The following TBCK variants were observed in gnomAD, a reference collection of about 807,000 sequenced individuals.
TBCK encodes TBC domain-containing protein kinase-like protein.
A neutral mutation model predicts 113.4 loss-of-function variants in TBCK; 99 were observed. That is an observed-to-expected ratio of 0.87 (90% CI 0.74 to 1.03). The LOEUF (loss-of-function observed/expected upper bound fraction) is 1.03, where lower values mean the gene tolerates loss of function less well. Ranked by LOEUF, TBCK falls within the 50% of genes least tolerant of loss-of-function variation. The pLI, the probability that TBCK is intolerant of heterozygous loss-of-function variation, is 0.00. For synonymous variants in TBCK, 369 were observed against 370.8 expected (o/e 1.00, Z 0.05); for missense variants, 1,045 against 1,061.3 (o/e 0.98, Z 0.21).
At chr4:106,313,012 G>A (rs1768359414) in intron 1 of TBCK, among the ~76,000 whole-genome samples, 1 of 152,118 alleles carries the variant, frequency 6.6e-6, no homozygotes, top group South Asian at 2.1e-4. Context: ...GTGGTTTTAT[G>A]GATGAGTACA....
intron 3 of TBCK, among the ~76,000 whole-genome samples, chr4:106,265,053 T>A (rs1211426454): frequency 6.6e-6 from 1 of 151,890 alleles, no homozygotes; most frequent in East Asian, 1.9e-4. Flanking sequence ...TTCAGCCCAA[T>A]ATGTCTAATG....
In TBCK at chr4:106,248,231, T is replaced by C; in HGVS notation, c.782+14A>G. The C allele has an allele frequency of 6.4e-7, 1 of 1,564,232 alleles. No homozygotes were observed. The highest frequency in any genetic ancestry group is 8.7e-7 in the Non-Finnish European group (1 of 1,154,082). ...AGGATCTCAATGTAATCCCAATCTC[T>C]AAATAATATCAACCTCTTAGAAGGA... On this transcript the variant is annotated intron_variant, in intron 9 of 25. Coordinates refer to ENST00000394708, the MANE Select transcript of TBCK (RefSeq NM_001163435.3).
intron 23 of TBCK, among the ~76,000 whole-genome samples, chr4:106,162,376 T>C (rs942763797): frequency 3.3e-5 from 5 of 152,116 alleles, no homozygotes; most frequent in Admixed American, 1.3e-4. Flanking sequence ...TCCAGATGCA[T>C]AGTGCAAGCT....
chr4:106,083,371 C>T (rs373736031), intron 25 of TBCK, among the ~76,000 whole-genome samples: 86 of 152,290 alleles, frequency 5.6e-4, no homozygotes, highest in Middle Eastern at 3.4e-3. Flanking sequence ...CCTCAGTGGG[C>T]GGGGCTTCCC....
At chr4:106,231,157 T>C (rs764888609) in intron 18 of TBCK, among the ~76,000 whole-genome samples, 1 of 151,628 alleles carries the variant, frequency 6.6e-6, no homozygotes, top group Non-Finnish European at 1.5e-5. Flanking sequence ...TTTCAGGGAT[T>C]GGAGTTAATC....
chr4:106,160,847 A>G (rs1749688921), intron 23 of TBCK, among the ~76,000 whole-genome samples: 1 of 152,114 alleles, frequency 6.6e-6, no homozygotes, highest in South Asian at 2.1e-4. Context: ...TACAATCGCT[A>G]AAATGTGGGA....
chr4:106,095,038 T>C (rs1740746798), intron 25 of TBCK, among the ~76,000 whole-genome samples: 1 of 152,230 alleles, frequency 6.6e-6, no homozygotes, highest in African/African-American at 2.4e-5. Context: ...ATTTTATTGT[T>C]TCATGTACTT....
Position 106,108,986 on chromosome 4 carries a change from A to G in TBCK, c.2411+7217T>C, listed in dbSNP as rs149633194. 4.1e-3 allele frequency among the ~76,000 whole-genome samples: 614 copies of G among 151,546 alleles called. 1 individual carries two copies. Among genetic ancestry groups the G allele is most frequent in the Non-Finnish European group, 7.0e-3 (477 of 67,854 alleles). ...ACAACCAACCTGAAAGCAAAATCAG[A>G]AAGGCAATCCCATTCACAACTGACA... On this transcript the variant is annotated intron_variant, in intron 24 of 25. Transcript: ENST00000394708.
rs10516532 is a variant in TBCK, at chr4:106,171,012, A to G, written c.2235+83T>C. 181,103 of 1,062,744 alleles carry G rather than the reference A, an allele frequency of 0.17. 16,459 individuals are homozygous for G. Among genetic ancestry groups the G allele is most frequent in the South Asian group, 0.24 (11,282 of 46,162 alleles). 65.8% of individuals were successfully genotyped at this position (1,062,744 alleles called of 1,614,324 possible). ...TTAAAAGGACATAAATGACACCATT[A>G]AGAACAATAAAGATACTAGGGTATA... On this transcript the variant is annotated intron_variant, in intron 23 of 25. Transcript: ENST00000394708.
chr4:106,144,853 G>A (rs1747577144), intron 23 of TBCK, among the ~76,000 whole-genome samples: 3 of 151,338 alleles, frequency 2.0e-5, no homozygotes, highest in Non-Finnish European at 4.4e-5. Context: ...GAGAAACCCC[G>A]TCTCTACTAA....
In TBCK at chr4:106,155,475, CCTAT is replaced by C. The variant is rs1429255643; in HGVS notation, c.2235+15616_2235+15619del. Among the ~76,000 whole-genome samples the C allele has an allele frequency of 3.3e-5, 5 of 152,134 alleles. No individual in the cohort carries two copies. In the East Asian group the frequency reaches 5.8e-4, roughly 18 times the overall value. ...TTCAAAGGGGTAATAACTTTCTATC[CCTAT>C]CTGTGTTTCTCTCTCCTCTTTAAGT... is the stretch of plus-strand genomic sequence containing the variant. On this transcript the variant is annotated intron_variant, in intron 23 of 25. Transcript: ENST00000394708.
At chr4:106,251,740 C>A in intron 6 of TBCK, 126 bp downstream of exon 6, 1 of 847,206 alleles carries the variant, frequency 1.2e-6, no homozygotes, top group African/African-American at 1.7e-5. Flanking sequence ...TCAAATTAAG[C>A]CTTTTCTCCT....
At chr4:106,254,696 T>C (rs1761796698) in intron 5 of TBCK, among the ~76,000 whole-genome samples, 1 of 152,096 alleles carries the variant, frequency 6.6e-6, no homozygotes, top group African/African-American at 2.4e-5. Context: ...TACAACTTAT[T>C]TTCCTACATA....
intron 5 of TBCK, among the ~76,000 whole-genome samples, chr4:106,259,112 G>C (rs1192603389): frequency 6.6e-6 from 1 of 151,768 alleles, no homozygotes; most frequent in Non-Finnish European, 1.5e-5. Flanking sequence ...AAGAGAAATT[G>C]CTCAATAAAT....
At chr4:106,309,217 A>G (rs1355529026) in intron 1 of TBCK, among the ~76,000 whole-genome samples, 6 of 152,042 alleles carry the variant, frequency 3.9e-5, no homozygotes, top group African/African-American at 1.4e-4. Flanking sequence ...AAAAAAGAAA[A>G]GATTATTCCA....
chr4:106,199,669 T>G (rs1419447696), intron 20 of TBCK, among the ~76,000 whole-genome samples: 2 of 152,118 alleles, frequency 1.3e-5, no homozygotes, highest in South Asian at 2.1e-4. Context: ...AGCAACTCTA[T>G]CCCCTTTCAA....
chr4:106,091,514 G>C (rs1489097244), intron 25 of TBCK, among the ~76,000 whole-genome samples: 2 of 152,136 alleles, frequency 1.3e-5, no homozygotes, highest in Non-Finnish European at 2.9e-5. Flanking sequence ...ATTCGGATGT[G>C]TTTGGAGTTT....
At chr4:106,098,023 C>CTT (rs1560640314) in intron 24 of TBCK, among the ~76,000 whole-genome samples, 1 of 151,868 alleles carries the variant, frequency 6.6e-6, no homozygotes, top group African/African-American at 2.4e-5. Flanking sequence ...GCTCTAAGAA[C>CTT]TTTGGTTTTA....
intron 25 of TBCK, among the ~76,000 whole-genome samples, chr4:106,079,124 C>A (rs907909405): frequency 6.6e-6 from 1 of 152,066 alleles, no homozygotes; most frequent in African/African-American, 2.4e-5. Flanking sequence ...AATTAAACAT[C>A]CCTTCATGTT....
Sources: allele counts gnomAD v4.1 joint callset (sites outside exome capture counted in the v4.1 genomes callset), GRCh38; gene constraint gnomAD v4.1.1; transcripts MANE v1.5; gene names NCBI Gene and HGNC (gene_info 2026-07-23, HGNC 2026-07-21).